Variants in ADGRL2 observed in about 807,000 individuals in gnomAD.
ADGRL2 encodes adhesion G protein-coupled receptor L2.
ADGRL2 carries 44 observed loss-of-function variants against 157.4 expected under a neutral mutation model. The ratio of observed to expected loss-of-function variants is 0.28; its 90% CI spans 0.22 to 0.36. ADGRL2 has a LOEUF of 0.36. Ranked by LOEUF, ADGRL2 falls within the 10% of genes least tolerant of loss-of-function variation. ADGRL2 has a pLI of 1.00. For synonymous variants in ADGRL2, 585 were observed against 624.7 expected (o/e 0.94, Z 0.95); for missense variants, 1,510 against 1,768.9 (o/e 0.85, Z 2.63).
chr1:81,856,381 C>T (rs1571706941), intron 2 of ADGRL2, among the ~76,000 whole-genome samples: 3 of 152,108 alleles, frequency 2.0e-5, no homozygotes, highest in Admixed American at 1.3e-4. Flanking sequence ...ACAAGAGAAA[C>T]GTATGGGCTT....
chr1:81,797,667 A>G (rs1389894804), upstream of ADGRL2, among the ~76,000 whole-genome samples: 10 of 152,184 alleles, frequency 6.6e-5, no homozygotes, highest in Admixed American at 5.9e-4. Context: ...GTGCCTGATC[A>G]CTTCCCTATA....
chr1:81,840,607 AT>A (rs2092534935), intron 2 of ADGRL2, among the ~76,000 whole-genome samples: 1 of 152,104 alleles, frequency 6.6e-6, no homozygotes, highest in South Asian at 2.1e-4. Context: ...ATCTATCTCT[AT>A]TTTGAATCAA....
chr1:81,800,623 CTCGGAGCGCCGCGCT>C (rs1209655783), upstream of ADGRL2: 1 of 152,182 alleles, frequency 6.6e-6, no homozygotes, highest in East Asian at 2.0e-4. Flanking sequence ...TGCGCTCAGC[CTCGGAGCGCCGCGCT>C]TCGCGGCGCT....
Position 81,747,307 on chromosome 1 carries a change from AT to A in ADGRL2, c.-142-14493del, listed in dbSNP as rs369526684. On this transcript the variant is annotated intron_variant, in intron 1 of 20. Coordinates refer to the ADGRL2 transcript ENST00000359929. ...TGCATACATGTGTATATATATATATATTTTTTTTTTTGAGATGGAGTCTTGC... is the reference window on the plus strand; with the variant it reads ...TGCATACATGTGTATATATATATATATTTTTTTTTTGAGATGGAGTCTTGC... 6.4e-3 allele frequency among the ~76,000 whole-genome samples: 924 copies of A among 143,534 alleles called. 4 individuals are homozygous for A. The highest frequency in any genetic ancestry group is 0.015 in the Middle Eastern group (4 of 272). 94.2% of individuals were successfully genotyped at this position (143,534 alleles called of 152,430 possible).
intron 3 of ADGRL2, among the ~76,000 whole-genome samples, chr1:81,618,063 G>A (rs58807330): frequency 6.7e-6 from 1 of 149,344 alleles, no homozygotes; most frequent in African/African-American, 2.5e-5. Context: ...GTTATGTTGG[G>A]TTTTTTTTTT....
intron 1 of ADGRL2, among the ~76,000 whole-genome samples, chr1:81,431,564 G>C (rs568163519): frequency 4.6e-5 from 7 of 152,300 alleles, no homozygotes; most frequent in Admixed American, 4.6e-4. Flanking sequence ...GGTTATGATG[G>C]AACTGATTTA....
chr1:81,955,759 T>A (rs1268848328), intron 10 of ADGRL2, 118 bp from the exon 11 acceptor site: 1 of 624,566 alleles, frequency 1.6e-6, no homozygotes, highest in African/African-American at 1.9e-5. Flanking sequence ...TCTTCCATCT[T>A]GAAGTAAGAG....
intron 3 of ADGRL2, among the ~76,000 whole-genome samples, chr1:81,589,385 C>T (rs1218297373): frequency 6.6e-6 from 1 of 152,154 alleles, no homozygotes; most frequent in Non-Finnish European, 1.5e-5. Context: ...GATCATGACT[C>T]TTGTTATTAA....
At chr1:81,471,343 T>C (rs1208704905) in intron 2 of ADGRL2, among the ~76,000 whole-genome samples, 1 of 152,230 alleles carries the variant, frequency 6.6e-6, no homozygotes, top group Non-Finnish European at 1.5e-5. Flanking sequence ...ATGTATACTT[T>C]GCCCATTTTT....
At chr1:81,627,874 G>T (rs984891933) in intron 3 of ADGRL2, among the ~76,000 whole-genome samples, 1 of 152,202 alleles carries the variant, frequency 6.6e-6, no homozygotes, top group Non-Finnish European at 1.5e-5. Context: ...GCCTGGCCAT[G>T]GCCCACTGCT....
intron 2 of ADGRL2, among the ~76,000 whole-genome samples, chr1:81,878,392 G>C (rs2093896547): frequency 6.6e-6 from 1 of 152,048 alleles, no homozygotes; most frequent in Non-Finnish European, 1.5e-5. Context: ...GATTTCAGAA[G>C]ATTTATTTAT....
At chr1:81,461,992 T>C (rs908632050) in intron 2 of ADGRL2, among the ~76,000 whole-genome samples, 55 of 144,640 alleles carry the variant, frequency 3.8e-4, no homozygotes, top group Admixed American at 9.8e-4. Context: ...GAGAGTGACA[T>C]GTGAAGCCAG....
Position 81,737,299 on chromosome 1 carries a change from G to A in ADGRL2, c.-142-24512G>A, listed in dbSNP as rs982680692. On this transcript the variant is annotated intron_variant, in intron 1 of 20. Coordinates refer to the ADGRL2 transcript ENST00000359929. ...CAGGGAGCATGGCTAGGAGGCCTCA[G>A]GAAACTTACAATCATGGCAGAAGGG... Among the ~76,000 whole-genome samples, 6 of 152,216 alleles carry A rather than the reference G, an allele frequency of 3.9e-5. No homozygotes were observed. The East Asian group carries it at 5.8e-4, about 15-fold the overall frequency.
chr1:81,742,109 T>A (rs1331130746), intron 1 of ADGRL2, among the ~76,000 whole-genome samples: 1 of 152,018 alleles, frequency 6.6e-6, no homozygotes, highest in East Asian at 1.9e-4. Context: ...TTGGAAATCC[T>A]GTTTTAGCTT....
At chr1:81,783,454 AT>A (rs541153384) in intron 2 of ADGRL2, among the ~76,000 whole-genome samples, 2 of 150,912 alleles carry the variant, frequency 1.3e-5, no homozygotes, top group Non-Finnish European at 3.0e-5. Context: ...TTAATTTTCA[AT>A]TTTTTTATTT....
At chr1:81,678,287 C>A (rs114085415) in intron 3 of ADGRL2, among the ~76,000 whole-genome samples, 1 of 152,090 alleles carries the variant, frequency 6.6e-6, no homozygotes, top group Admixed American at 6.5e-5. Flanking sequence ...ACAAAAAAAT[C>A]GATGGTGTTA....
At chr1:81,961,753 G>A (rs948239442) in intron 11 of ADGRL2, among the ~76,000 whole-genome samples, 3 of 151,830 alleles carry the variant, frequency 2.0e-5, no homozygotes, top group Non-Finnish European at 4.4e-5. Flanking sequence ...CAGGTGATCC[G>A]CCTGCCTCAG....
At chr1:81,621,899 C>T (rs1471424134) in intron 3 of ADGRL2, among the ~76,000 whole-genome samples, 2 of 152,230 alleles carry the variant, frequency 1.3e-5, no homozygotes, top group African/African-American at 4.8e-5. Flanking sequence ...TCCCTCACTT[C>T]CTCCTCTGCT....
chr1:81,793,251 C>CATAAGGA (rs112820434), intron 2 of ADGRL2, among the ~76,000 whole-genome samples: 12,280 of 151,894 alleles, frequency 0.081, 1,018 homozygotes, highest in African/African-American at 0.22. Flanking sequence ...TAGAAACATC[C>CATAAGGA]AAGAAACATG....
Sources: allele counts gnomAD v4.1 joint callset (sites outside exome capture counted in the v4.1 genomes callset), GRCh38; gene constraint gnomAD v4.1.1; transcripts MANE v1.5; gene names NCBI Gene and HGNC (gene_info 2026-07-23, HGNC 2026-07-21).